ARL5B: variants seen among roughly 807,000 people sequenced by gnomAD.
The protein encoded by ARL5B is ADP-ribosylation factor-like protein 5B.
Under a neutral mutation model 26.9 loss-of-function variants are expected in ARL5B, and 10 were observed. The ratio of observed to expected loss-of-function variants is 0.37; its 90% CI spans 0.23 to 0.63. The LOEUF is 0.63. Ranked by LOEUF, ARL5B falls within the 30% of genes least tolerant of loss-of-function variation. The pLI is 0.62. For synonymous variants in ARL5B, 87 were observed against 70.4 expected, an observed-to-expected ratio of 1.24 and a Z score of -1.18; for missense variants, 167 against 213.9, an observed-to-expected ratio of 0.78 and a Z score of 1.37.
intron 3 of ARL5B, among the ~76,000 whole-genome samples, chr10:18,671,842 GGTTCTCA>G (rs1471125848): frequency 6.6e-6 from 1 of 152,094 alleles, no homozygotes; most frequent in African/African-American, 2.4e-5. Flanking sequence ...TAGAGAGACA[GGTTCTCA>G]CTATGTTGCC....
intron 3 of ARL5B, among the ~76,000 whole-genome samples, chr10:18,670,967 G>A (rs768182342): frequency 1.3e-5 from 2 of 152,140 alleles, no homozygotes; most frequent in Non-Finnish European, 1.5e-5. Flanking sequence ...AATTCTTCAC[G>A]TGGAAGAGTC....
intron 2 of ARL5B, among the ~76,000 whole-genome samples, chr10:18,667,858 G>C (rs2059868571): frequency 6.6e-6 from 1 of 152,070 alleles, no homozygotes; most frequent in Non-Finnish European, 1.5e-5. Flanking sequence ...GGGATTACAA[G>C]CGCCCACCAC....
At chr10:18,671,875 C>G (rs1257724407) in intron 3 of ARL5B, among the ~76,000 whole-genome samples, 2 of 152,130 alleles carry the variant, frequency 1.3e-5, no homozygotes, top group African/African-American at 4.8e-5. Context: ...TAGTCTCAAA[C>G]TCCTGGGCTC....
At chr10:18,673,238 T>C (rs1275508729) in intron 4 of ARL5B, among the ~76,000 whole-genome samples, 1 of 151,992 alleles carries the variant, frequency 6.6e-6, no homozygotes, top group Non-Finnish European at 1.5e-5. Context: ...ATTTTTGTAT[T>C]TTTAGTAGAG....
Position 18,681,226 on chromosome 10 carries a change from GT to G in ARL5B, c.*6012del, listed in dbSNP as rs2059930682. The stretch of plus-strand genomic sequence containing the variant: ...GTCTGAACCCCAGCCAAACAAATGT[GT>G]TCCATTGGTCCAATATATAAGCATT... On this transcript the variant is annotated 3_prime_UTR_variant, in exon 6 of 6. Transcript: ENST00000377275. The G allele has an allele frequency of 6.6e-6, 1 of 152,054 alleles. No homozygotes were observed. Among genetic ancestry groups the G allele is most frequent in the South Asian group, 2.1e-4 (1 of 4,824 alleles). 9.4% of individuals were successfully genotyped at this position (152,054 alleles called of 1,614,324 possible). A position where few individuals can be genotyped will look rare whatever the true frequency, so the allele number is the denominator to read the frequency against.
At position 18,659,509 on chromosome 10, in the gene ARL5B, C is replaced by T. The variant is rs2059816053; in HGVS notation, c.-129C>T. The T allele has an allele frequency of 3.3e-6, 4 of 1,228,100 alleles. No homozygotes were observed. The highest frequency in any genetic ancestry group is 4.4e-6 in the Non-Finnish European group (4 of 914,168). 76.1% of individuals were successfully genotyped at this position (1,228,100 alleles called of 1,614,324 possible). A position where few individuals can be genotyped will look rare whatever the true frequency, so the allele number is the denominator to read the frequency against. On this transcript the variant is annotated 5_prime_UTR_variant, in exon 1 of 6. Transcript: ENST00000377275. ...AGTGGTCGGGTCGAGGCTTCTCGGC[C>T]TAGCAGTGCCCTCGCTGCGCGATCT...
intron 5 of ARL5B, among the ~76,000 whole-genome samples, chr10:18,674,386 A>T (rs1435062061): frequency 2.0e-5 from 3 of 152,222 alleles, no homozygotes; most frequent in African/African-American, 7.2e-5. Context: ...AGTTTTCATA[A>T]TCCAAATTTT....
At position 18,675,545 on chromosome 10, in the gene ARL5B, T is replaced by C. The variant is rs192086217; in HGVS notation, c.*329T>C. Reference sequence around the variant, plus strand: ...TTCTGAAATATTCTTATAACCTTAATGACCAATTGCTTTCAATTCTTGACC... The same window carrying C: ...TTCTGAAATATTCTTATAACCTTAACGACCAATTGCTTTCAATTCTTGACC... On this transcript the variant is annotated 3_prime_UTR_variant, in exon 6 of 6. Coordinates refer to ENST00000377275, the MANE Select transcript of ARL5B (RefSeq NM_178815.5). 4.2e-6 allele frequency: 1 copy of C among 237,844 alleles called. No individual in the cohort carries two copies. The highest frequency in any genetic ancestry group is 2.2e-5 in the African/African-American group (1 of 44,558). The allele number at this position is 237,844 out of a possible 1,614,324, so 14.7% of individuals were successfully genotyped here.
intron 4 of ARL5B, among the ~76,000 whole-genome samples, chr10:18,673,702 A>T (rs1474005994): frequency 6.6e-6 from 1 of 151,692 alleles, no homozygotes; most frequent in African/African-American, 2.4e-5. Flanking sequence ...ATACTACCAT[A>T]TTTGCCTATT....
chr10:18,669,324 G>A (rs1410199716), intron 3 of ARL5B, among the ~76,000 whole-genome samples: 2 of 152,042 alleles, frequency 1.3e-5, no homozygotes, highest in Non-Finnish European at 2.9e-5. Context: ...GTTTCCCCAA[G>A]ATCTCACAAC....
At position 18,681,243 on chromosome 10, in the gene ARL5B, T is replaced by C. The variant is rs759842646; in HGVS notation, c.*6027T>C. 2.0e-5 allele frequency: 3 copies of C among 152,180 alleles called. No individual in the cohort carries two copies. The highest frequency in any genetic ancestry group is 4.4e-5 in the Non-Finnish European group (3 of 68,022). The allele number at this position is 152,180 out of a possible 1,614,324, so 9.4% of individuals were successfully genotyped here. On this transcript the variant is annotated 3_prime_UTR_variant, in exon 6 of 6. Transcript: ENST00000377275. ...ACAAATGTGTTCCATTGGTCCAATA[T>C]ATAAGCATTAACAACAACAACAAAA...
Position 18,659,569 on chromosome 10 carries a change from C to G in ARL5B, c.-69C>G. ...TCTCCTCGGCTCCGCGCAGCCCGCG[C>G]CGCGGTGGGGGACCCGGCGCAGCGG... On this transcript the variant is annotated 5_prime_UTR_variant, in exon 1 of 6. Coordinates refer to ENST00000377275, the MANE Select transcript of ARL5B (RefSeq NM_178815.5). 3 of 1,515,218 alleles carry G rather than the reference C, an allele frequency of 2.0e-6. No homozygotes were observed. The highest frequency in any genetic ancestry group is 1.4e-5 in the African/African-American group (1 of 70,458). The allele number at this position is 1,515,218 out of a possible 1,614,324, so 93.9% of individuals were successfully genotyped here.
At position 18,666,633 on chromosome 10, in the gene ARL5B, A is replaced by G. The variant is rs371226678; in HGVS notation, c.105A>G (p.Gln35=). The change falls in exon 2 of 6, where the codon CAA becomes CAG. Residue 35 remains glutamine, a splice_region_variant and synonymous_variant. Coordinates refer to ENST00000377275, the MANE Select transcript of ARL5B (RefSeq NM_178815.5). ...DNAGKTTILY[Q]FLMNEVVHTS... ...CAGGGAAAACCACCATTCTTTACCA[A>G]TTGTAAGTATGGGTGTTTATTAAAC... The G allele has an allele frequency of 4.2e-5, 68 of 1,604,952 alleles. No homozygotes were observed. The highest frequency in any genetic ancestry group is 6.7e-5 in the South Asian group (6 of 89,772).
chr10:18,667,753 CAG>C (rs2059868169), intron 2 of ARL5B, among the ~76,000 whole-genome samples: 1 of 151,838 alleles, frequency 6.6e-6, no homozygotes, highest in Non-Finnish European at 1.5e-5. Context: ...ATATTTGAGA[CAG>C]AGTTTTGCTC....
In ARL5B at chr10:18,679,179, C is replaced by G. The variant is rs956256435; in HGVS notation, c.*3963C>G. ...TGAATAGAAATAGCTAATGACAATG[C>G]AAAAGAGAAAACAAGCCATATTGCT... is the stretch of plus-strand genomic sequence containing the variant. On this transcript the variant is annotated 3_prime_UTR_variant, in exon 6 of 6. Transcript: ENST00000377275. The G allele has an allele frequency of 6.6e-6, 1 of 151,648 alleles. No homozygotes were observed. The highest frequency in any genetic ancestry group is 1.9e-4 in the East Asian group (1 of 5,194). The allele number at this position is 151,648 out of a possible 1,614,324, so 9.4% of individuals were successfully genotyped here.
rs765085917 is a variant in ARL5B at position 18,666,532 on chromosome 10, A to C, written c.47-43A>C. Reference sequence around the variant, plus strand: ...TTGTTGAAAGCATGTAATTGCAGTAATGCAGTAGTGTTAAATGTTTATGAT... The same window carrying C: ...TTGTTGAAAGCATGTAATTGCAGTACTGCAGTAGTGTTAAATGTTTATGAT... On this transcript the variant is annotated intron_variant, in intron 1 of 5. Transcript: ENST00000377275. 2.0e-6 allele frequency: 3 copies of C among 1,477,218 alleles called. No individual in the cohort carries two copies. In the Admixed American group the frequency reaches 5.6e-5, roughly 28 times the overall value. The allele number at this position is 1,477,218 out of a possible 1,614,324, so 91.5% of individuals were successfully genotyped here. A position where few individuals can be genotyped will look rare whatever the true frequency, so the allele number is the denominator to read the frequency against.
rs940599447 is a variant in ARL5B, at chr10:18,677,201, A to G, written c.*1985A>G. ...CTGTATTTGTTCTTATGAAATGACT[A>G]TCTGCCTTCTTGTATCTAGTAAGAT... On this transcript the variant is annotated 3_prime_UTR_variant, in exon 6 of 6. Coordinates refer to ENST00000377275, the MANE Select transcript of ARL5B (RefSeq NM_178815.5). 7 of 151,816 alleles carry G rather than the reference A, an allele frequency of 4.6e-5. No individual in the cohort carries two copies. The highest frequency in any genetic ancestry group is 7.3e-5 in the African/African-American group (3 of 41,232). The allele number at this position is 151,816 out of a possible 1,614,324, so 9.4% of individuals were successfully genotyped here.
chr10:18,670,475 G>T (rs1320826835), intron 3 of ARL5B, among the ~76,000 whole-genome samples: 1 of 152,076 alleles, frequency 6.6e-6, no homozygotes, highest in Non-Finnish European at 1.5e-5. Flanking sequence ...GCCAGGCATG[G>T]TGGCATGTGC....
rs2059911168 is a variant in ARL5B at position 18,676,533 on chromosome 10, A to T, written c.*1317A>T. The T allele has an allele frequency of 6.6e-6, 1 of 152,054 alleles. No homozygotes were observed. The highest frequency in any genetic ancestry group is 1.5e-5 in the Non-Finnish European group (1 of 67,892). The allele number at this position is 152,054 out of a possible 1,614,324, so 9.4% of individuals were successfully genotyped here. On this transcript the variant is annotated 3_prime_UTR_variant, in exon 6 of 6. Coordinates refer to ENST00000377275, the MANE Select transcript of ARL5B (RefSeq NM_178815.5). ...TAAACAATATATTCCTTAAATTAAGAGGAAAGACAAGTGTCGTATTTCGAT... is the reference window on the plus strand; with the variant it reads ...TAAACAATATATTCCTTAAATTAAGTGGAAAGACAAGTGTCGTATTTCGAT...
Sources: gnomAD v4.1 joint callset for allele counts (sites outside exome capture counted in the v4.1 genomes callset) on GRCh38, gnomAD v4.1.1 for gene constraint, MANE v1.5 for transcripts, NCBI Gene and HGNC (gene_info 2026-07-23, HGNC 2026-07-21) for gene names.